AVL9: variants seen among roughly 807,000 people sequenced by gnomAD.
AVL9 encodes AVL9 cell migration associated, also known as late secretory pathway protein AVL9 homolog.
In AVL9, 49 loss-of-function variants were observed where a neutral mutation model predicts 79.2. The observed-to-expected ratio is 0.62, with a 90% confidence interval of 0.49 to 0.79. The LOEUF (loss-of-function observed/expected upper bound fraction) is 0.79, where lower values mean the gene tolerates loss of function less well. Ranked by LOEUF, AVL9 falls within the 30% of genes least tolerant of loss-of-function variation. The pLI is 0.00. For synonymous variants in AVL9, 299 were observed against 280.6 expected (o/e 1.07, Z -0.65); for missense variants, 682 against 776.8 (o/e 0.88, Z 1.45).
rs1452576316 is a variant in AVL9 at position 32,588,581 on chromosome 7, GTTCT to G, written c.*4677_*4680del. 6.6e-6 allele frequency: 1 copy of G among 152,134 alleles called. No individual in the cohort carries two copies. The highest frequency in any genetic ancestry group is 1.5e-5 in the Non-Finnish European group (1 of 68,016). 9.4% of individuals were successfully genotyped at this position (152,134 alleles called of 1,614,324 possible). The stretch of plus-strand genomic sequence containing the variant: ...TCTGGTAGTTTTAAAGTTTGTACTA[GTTCT>G]TTATTTCTGTTGTTTTTTTAAATTG... On this transcript the variant is annotated 3_prime_UTR_variant, in exon 16 of 16. Coordinates refer to ENST00000318709, the MANE Select transcript of AVL9 (RefSeq NM_015060.3).
At chr7:32,500,330 T>A (rs1043285031) in intron 1 of AVL9, among the ~76,000 whole-genome samples, 7 of 152,244 alleles carry the variant, frequency 4.6e-5, no homozygotes, top group African/African-American at 1.7e-4. Context: ...TGCATTTCTC[T>A]AATGACCAAT....
intron 1 of AVL9, among the ~76,000 whole-genome samples, chr7:32,524,857 G>A (rs953725347): frequency 6.6e-6 from 1 of 152,180 alleles, no homozygotes; most frequent in South Asian, 2.1e-4. Context: ...GGCATGTACT[G>A]TCTTGCTATG....
chr7:32,534,553 T>G (rs1562770929), intron 1 of AVL9: 1 of 152,048 alleles, frequency 6.6e-6, no homozygotes, highest in Non-Finnish European at 1.5e-5. Context: ...GAATGAAGGG[T>G]GTAGGCCAGA....
chr7:32,495,823 C>G (rs1786772948), intron 1 of AVL9, 21 bp downstream of exon 1: 6 of 1,252,124 alleles, frequency 4.8e-6, no homozygotes, highest in Non-Finnish European at 5.1e-6. Flanking sequence ...GGCCCGCCCC[C>G]GCCCCCAGCC....
intron 10 of AVL9, among the ~76,000 whole-genome samples, chr7:32,563,735 A>G (rs1268615949): frequency 6.6e-6 from 1 of 152,074 alleles, no homozygotes; most frequent in Non-Finnish European, 1.5e-5. Flanking sequence ...TTCCTCTCCT[A>G]TATTATTCGA....
At chr7:32,566,604 T>G (rs1223876274) in intron 10 of AVL9, among the ~76,000 whole-genome samples, 1 of 152,032 alleles carries the variant, frequency 6.6e-6, no homozygotes, top group Non-Finnish European at 1.5e-5. Context: ...TTTGGCCAGG[T>G]GCGGTGGCTC....
chr7:32,517,853 A>G (rs1787976662), intron 1 of AVL9, among the ~76,000 whole-genome samples: 1 of 151,602 alleles, frequency 6.6e-6, no homozygotes, highest in South Asian at 2.1e-4. Flanking sequence ...TTTTTTTGAA[A>G]CATAGTCTTG....
Position 32,549,935 on chromosome 7 carries a change from G to GAAAAA in AVL9, c.372+1020_372+1021insAAAAA, listed in dbSNP as rs1298659665. The stretch of plus-strand genomic sequence containing the variant: ...CTCCGTCTCAAAAAAAAAAAAGAAA[G>GAAAAA]AAAGAAAAAAAAGAAAAGGAATGGC... On this transcript the variant is annotated intron_variant, in intron 4 of 15. Coordinates refer to ENST00000318709, the MANE Select transcript of AVL9 (RefSeq NM_015060.3). 3.6e-3 allele frequency among the ~76,000 whole-genome samples: 531 copies of GAAAAA among 147,096 alleles called. 4 individuals are homozygous for GAAAAA. Among genetic ancestry groups the GAAAAA allele is most frequent in the African/African-American group, 0.011 (441 of 40,110 alleles).
chr7:32,521,772 C>A (rs1788166481), intron 1 of AVL9, among the ~76,000 whole-genome samples: 1 of 152,140 alleles, frequency 6.6e-6, no homozygotes, highest in Admixed American at 6.5e-5. Context: ...CAGAGACCTT[C>A]ACCACAGCCC....
In AVL9 at chr7:32,519,872, C is replaced by A. The variant is rs148018348; in HGVS notation, c.94-23269C>A. Among the ~76,000 whole-genome samples the A allele has an allele frequency of 2.7e-4, 41 of 152,278 alleles. 1 individual carries two copies. The East Asian group carries it at 7.1e-3, about 27-fold the overall frequency. On this transcript the variant is annotated intron_variant, in intron 1 of 15. Coordinates refer to ENST00000318709, the MANE Select transcript of AVL9 (RefSeq NM_015060.3). ...TGAATGGGAGGCCTCAGGAAACTTACAATCATAGCAGAAGTCATAGAGGAA... is the reference window on the plus strand; with the variant it reads ...TGAATGGGAGGCCTCAGGAAACTTAAAATCATAGCAGAAGTCATAGAGGAA...
chr7:32,498,338 T>G (rs572272213), intron 1 of AVL9, among the ~76,000 whole-genome samples: 3 of 139,844 alleles, frequency 2.1e-5, no homozygotes, highest in Non-Finnish European at 4.5e-5. Context: ...AACTTTCACC[T>G]CCTGGGTTCA....
Position 32,570,101 on chromosome 7 carries a change from GCTA to G in AVL9, c.1301_1303del (p.Thr434del). Reference sequence around the variant, plus strand: ...CACCGTTCGGGGGTTTGTTGCTGGAGCTACTAACATCCTTTTTCGACAACAGAA... The same window carrying G: ...CACCGTTCGGGGGTTTGTTGCTGGAGCTAACATCCTTTTTCGACAACAGAA... On this transcript the variant is annotated inframe_deletion, in exon 11 of 16. Coordinates refer to ENST00000318709, the MANE Select transcript of AVL9 (RefSeq NM_015060.3). 6.2e-7 allele frequency: 1 copy of G among 1,614,198 alleles called. No individual in the cohort carries two copies. Among genetic ancestry groups the G allele is most frequent in the Non-Finnish European group, 8.5e-7 (1 of 1,180,030 alleles).
rs1790216769 is a variant in AVL9 at position 32,559,108 on chromosome 7, G to A, written c.859G>A (p.Glu287Lys). ...GAAAGTCATGGCAGGAAACCATGGA[G>A]AAGATGCTGCCATGAAGACTGAGGA... ...IRKVMAGNHG[E>K]DAAMKTEEPL... The change falls in exon 10 of 16, where the codon GAA becomes AAA. Residue 287 changes from glutamate to lysine, a missense_variant. Glu to Lys is a moderately conservative substitution (Grantham distance 56). Coordinates refer to ENST00000318709, the MANE Select transcript of AVL9 (RefSeq NM_015060.3). 1 of 1,614,040 alleles carries A rather than the reference G, an allele frequency of 6.2e-7. No homozygotes were observed. The highest frequency in any genetic ancestry group is 1.3e-5 in the African/African-American group (1 of 75,050).
intron 1 of AVL9, among the ~76,000 whole-genome samples, chr7:32,540,098 G>T (rs771024976): frequency 7.2e-5 from 11 of 152,194 alleles, no homozygotes; most frequent in Non-Finnish European, 1.2e-4. Context: ...ATAGGATATT[G>T]TGGCCGTCTT....
intron 10 of AVL9, among the ~76,000 whole-genome samples, chr7:32,568,118 G>A (rs1481175267): frequency 6.6e-6 from 1 of 151,954 alleles, no homozygotes; most frequent in Non-Finnish European, 1.5e-5. Flanking sequence ...TCCCACTTTG[G>A]CCTCTCAAAG....
At chr7:32,573,548 C>A in intron 12 of AVL9, 130 bp downstream of exon 12, 1 of 779,622 alleles carries the variant, frequency 1.3e-6, no homozygotes, top group Non-Finnish European at 2.0e-6. Context: ...TTCCCTCATA[C>A]AAAGATAGCC....
At chr7:32,560,710 C>T (rs892468688) in intron 10 of AVL9, among the ~76,000 whole-genome samples, 5 of 152,154 alleles carry the variant, frequency 3.3e-5, no homozygotes, top group African/African-American at 1.2e-4. Context: ...TGAATCTTTT[C>T]CAGAAGACTT....
intron 1 of AVL9, among the ~76,000 whole-genome samples, chr7:32,502,718 CAG>C (rs1339828528): frequency 1.3e-5 from 2 of 152,110 alleles, no homozygotes; most frequent in African/African-American, 4.8e-5. Context: ...GATTTTGAAA[CAG>C]AACTTACTGA....
rs984968445 is a variant in AVL9, at chr7:32,584,333, G to A, written c.*426G>A. 5.1e-5 allele frequency: 9 copies of A among 176,698 alleles called. No homozygotes were observed. The South Asian group carries it at 7.8e-4, about 15-fold the overall frequency. The allele number at this position is 176,698 out of a possible 1,614,324, so 10.9% of individuals were successfully genotyped here. ...TTTTCTCTAAAGTTGGCCTTAAAACGTGCTTATAAAGTGAAGGGGTCATAC... is the reference window on the plus strand; with the variant it reads ...TTTTCTCTAAAGTTGGCCTTAAAACATGCTTATAAAGTGAAGGGGTCATAC... On this transcript the variant is annotated 3_prime_UTR_variant, in exon 16 of 16. Coordinates refer to ENST00000318709, the MANE Select transcript of AVL9 (RefSeq NM_015060.3).
Sources: allele counts gnomAD v4.1 joint callset (sites outside exome capture counted in the v4.1 genomes callset), GRCh38; gene constraint gnomAD v4.1.1; transcripts MANE v1.5; gene names NCBI Gene and HGNC (gene_info 2026-07-23, HGNC 2026-07-21).